The following TNS3 variants were observed in gnomAD, a reference collection of about 807,000 sequenced individuals.
TNS3 encodes tensin 3.
A neutral mutation model predicts 140.9 loss-of-function variants in TNS3; 45 were observed. The observed-to-expected ratio is 0.32, with a 90% confidence interval of 0.25 to 0.41. The LOEUF (loss-of-function observed/expected upper bound fraction) is 0.41. Among genes scored for constraint, TNS3 ranks in the 10% least tolerant of loss-of-function variants. TNS3 has a pLI of 1.00. For synonymous variants in TNS3, 815 were observed against 788.4 expected (o/e 1.03, Z -0.56); for missense variants, 1,716 against 1,906.7 (o/e 0.90, Z 1.86).
At chr7:47,549,536 C>G (rs1430081836) in intron 1 of TNS3, among the ~76,000 whole-genome samples, 1 of 152,094 alleles carries the variant, frequency 6.6e-6, no homozygotes, top group African/African-American at 2.4e-5. Context: ...CCAATGTGAT[C>G]TAGCCCCTGC....
chr7:47,356,801 G>A (rs1470802528), intron 17 of TNS3, among the ~76,000 whole-genome samples: 2 of 152,114 alleles, frequency 1.3e-5, no homozygotes, highest in Non-Finnish European at 2.9e-5. Flanking sequence ...CAGGGGCCGG[G>A]CACAGTGGCT....
rs181360954 is a variant in TNS3, at chr7:47,455,062, A to C, written c.-75-13007T>G. On this transcript the variant is annotated intron_variant, in intron 4 of 30. Coordinates refer to ENST00000311160, the MANE Select transcript of TNS3 (RefSeq NM_022748.12). ...CCTCAGGGCACAGCACAGGCATCCC[A>C]AGGACAGCCCCACCAAACCCCCAGC... Among the ~76,000 whole-genome samples the C allele has an allele frequency of 4.2e-3, 633 of 152,262 alleles. 4 individuals are homozygous for C. Among genetic ancestry groups the C allele is most frequent in the South Asian group, 0.018 (85 of 4,824 alleles).
intron 20 of TNS3, among the ~76,000 whole-genome samples, 191 bp from the exon 21 acceptor site, chr7:47,305,194 A>G (rs1429466328): frequency 6.6e-6 from 1 of 152,222 alleles, no homozygotes; most frequent in Non-Finnish European, 1.5e-5. Flanking sequence ...ACCCACAAGC[A>G]TGGGTTTATT....
At chr7:47,353,904 C>T (rs979179367) in intron 17 of TNS3, among the ~76,000 whole-genome samples, 3 of 152,070 alleles carry the variant, frequency 2.0e-5, no homozygotes, top group Non-Finnish European at 4.4e-5. Context: ...CTCCCACTCA[C>T]ACCTGCAGAA....
At chr7:47,491,073 G>C (rs1797795950) in intron 3 of TNS3, among the ~76,000 whole-genome samples, 1 of 152,192 alleles carries the variant, frequency 6.6e-6, no homozygotes, top group Admixed American at 6.5e-5. Flanking sequence ...GGCCGACAGA[G>C]CGCGGCTGTG....
rs114163003 is a variant in TNS3, at chr7:47,532,787, T to C, written c.-264-3640A>G. On this transcript the variant is annotated intron_variant, in intron 1 of 30. Coordinates refer to ENST00000311160, the MANE Select transcript of TNS3 (RefSeq NM_022748.12). Reference sequence around the variant, plus strand: ...CCATAAGACTATTATAAGGCTCTCATAGTATTCATGAAGTGGATATAATAT... The same window carrying C: ...CCATAAGACTATTATAAGGCTCTCACAGTATTCATGAAGTGGATATAATAT... 4.5e-3 allele frequency among the ~76,000 whole-genome samples: 686 copies of C among 152,230 alleles called. 3 individuals are homozygous for C. Among genetic ancestry groups the C allele is most frequent in the African/African-American group, 0.016 (652 of 41,524 alleles).
chr7:47,295,834 A>G (rs147890641), intron 24 of TNS3, among the ~76,000 whole-genome samples: 153 of 152,306 alleles, frequency 1.0e-3, no homozygotes, highest in African/African-American at 3.5e-3. Context: ...GTGTAACTCC[A>G]AGGCGATTTT....
chr7:47,329,147 G>T (rs75639736), intron 20 of TNS3, among the ~76,000 whole-genome samples: 2 of 152,108 alleles, frequency 1.3e-5, no homozygotes, highest in Non-Finnish European at 1.5e-5. Flanking sequence ...CAGAACATAG[G>T]GGCCTGTCAT....
chr7:47,330,963 C>T (rs1002132998), intron 20 of TNS3, among the ~76,000 whole-genome samples: 3 of 152,170 alleles, frequency 2.0e-5, no homozygotes, highest in East Asian at 1.9e-4. Flanking sequence ...CCACCGGACT[C>T]GGGCGAACCT....
chr7:47,413,011 T>C (rs1793864624), intron 12 of TNS3, among the ~76,000 whole-genome samples: 1 of 152,074 alleles, frequency 6.6e-6, no homozygotes, highest in Non-Finnish European at 1.5e-5. Flanking sequence ...TGGAGTGCCA[T>C]GGCACAATCT....
At chr7:47,541,039 A>T (rs1004223384) in intron 1 of TNS3, among the ~76,000 whole-genome samples, 1 of 152,196 alleles carries the variant, frequency 6.6e-6, no homozygotes, top group African/African-American at 2.4e-5. Context: ...TGGACATGGA[A>T]ACTCTAGGTA....
chr7:47,566,167 T>C (rs1266570798), intron 1 of TNS3, among the ~76,000 whole-genome samples: 1 of 152,204 alleles, frequency 6.6e-6, no homozygotes, highest in Non-Finnish European at 1.5e-5. Context: ...ATGCTAATGC[T>C]GGTGTCAGGA....
chr7:47,316,634 G>T (rs1167280725), intron 20 of TNS3, among the ~76,000 whole-genome samples: 1 of 151,030 alleles, frequency 6.6e-6, no homozygotes, highest in Non-Finnish European at 1.5e-5. Flanking sequence ...TTTGAGACCA[G>T]CCTGGCCAAC....
intron 23 of TNS3, among the ~76,000 whole-genome samples, chr7:47,301,656 A>G (rs1786408018): frequency 6.7e-6 from 1 of 150,374 alleles, no homozygotes; most frequent in South Asian, 2.1e-4. Flanking sequence ...AAAAAGCCTG[A>G]CATTGTACCA....
chr7:47,527,385 A>C, intron 2 of TNS3, among the ~76,000 whole-genome samples: 1 of 152,236 alleles, frequency 6.6e-6, no homozygotes, highest in Non-Finnish European at 1.5e-5. Flanking sequence ...TATGTGGGAC[A>C]CAGAGGGGCT....
intron 1 of TNS3, among the ~76,000 whole-genome samples, chr7:47,568,225 C>G (rs942438562): frequency 2.0e-5 from 3 of 152,146 alleles, no homozygotes; most frequent in Non-Finnish European, 4.4e-5. Context: ...TAGGGAGAGG[C>G]GAGCCAGGCC....
chr7:47,533,554 T>C (rs1799494030), intron 1 of TNS3, among the ~76,000 whole-genome samples: 1 of 151,786 alleles, frequency 6.6e-6, no homozygotes, highest in South Asian at 2.1e-4. Context: ...ACCAAGGATA[T>C]AGAAAGTCCT....
chr7:47,464,973 G>A (rs1452163186), intron 4 of TNS3, among the ~76,000 whole-genome samples: 1 of 152,214 alleles, frequency 6.6e-6, no homozygotes, highest in African/African-American at 2.4e-5. Flanking sequence ...TGTGCTCACT[G>A]GATGCCTGCG....
At chr7:47,557,024 A>C in intron 1 of TNS3, 1 of 456,624 alleles carries the variant, frequency 2.2e-6, no homozygotes, top group Non-Finnish European at 4.4e-6. Flanking sequence ...GGCGGGGAGC[A>C]ACAGAACCTG....
Sources: allele counts gnomAD v4.1 joint callset (sites outside exome capture counted in the v4.1 genomes callset), GRCh38; gene constraint gnomAD v4.1.1; transcripts MANE v1.5; gene names NCBI Gene and HGNC (gene_info 2026-07-23, HGNC 2026-07-21).